Variants in RIMBP2 observed in about 807,000 individuals in gnomAD.
RIMBP2 encodes the protein RIMS binding protein 2.
A neutral mutation model predicts 118.6 loss-of-function variants in RIMBP2; 48 were observed. The observed-to-expected ratio is 0.40, with a 90% CI of 0.32 to 0.51. The LOEUF is 0.51. RIMBP2 is among the 20% of genes least tolerant of loss of function. The pLI is 0.41. For missense variants in RIMBP2, 1,551 were observed against 1,768.3 expected, an observed-to-expected ratio of 0.88 and a Z score of 2.20; for synonymous variants, 762 against 742.9, an observed-to-expected ratio of 1.03 and a Z score of -0.42.
intron 22 of RIMBP2, 80 bp from the exon 23 acceptor site, chr12:130,397,629 G>A (rs949521032): frequency 1.3e-5 from 5 of 397,310 alleles, no homozygotes; most frequent in South Asian, 1.4e-4. Flanking sequence ...TACTGTCCCC[G>A]TTTCCCACCA....
At chr12:130,481,621 G>C (rs2082017574) in intron 4 of RIMBP2, among the ~76,000 whole-genome samples, 1 of 152,138 alleles carries the variant, frequency 6.6e-6, no homozygotes, top group Non-Finnish European at 1.5e-5. Context: ...GGAGAAAATG[G>C]AGTTCCCCAA....
chr12:130,580,028 C>CAAAAAAAAAAAA (rs55653381), intron 2 of RIMBP2, among the ~76,000 whole-genome samples: 8 of 116,442 alleles, frequency 6.9e-5, no homozygotes, highest in Non-Finnish European at 1.2e-4. Flanking sequence ...ACCAAAAATA[C>CAAAAAAAAAAAA]AAAAAAAAAA....
intron 17 of RIMBP2, among the ~76,000 whole-genome samples, chr12:130,418,112 G>GA (rs1332194021): frequency 6.6e-6 from 1 of 152,176 alleles, no homozygotes; most frequent in East Asian, 1.9e-4. Context: ...TCTTTCACCA[G>GA]AAAAAATAAA....
At chr12:130,595,299 C>A (rs1474218623) in intron 2 of RIMBP2, among the ~76,000 whole-genome samples, 2 of 152,194 alleles carry the variant, frequency 1.3e-5, no homozygotes, top group East Asian at 3.9e-4. Flanking sequence ...TGGCTCACGC[C>A]TGTAATCCCA....
intron 2 of RIMBP2, among the ~76,000 whole-genome samples, chr12:130,587,731 A>T (rs1156893536): frequency 6.9e-5 from 9 of 130,020 alleles, no homozygotes; most frequent in Non-Finnish European, 1.1e-4. Context: ...CTAATGCTAG[A>T]TGACGAGTTA....
At position 130,628,451 on chromosome 12, in the gene RIMBP2, TC is replaced by T. The variant is rs1409442348; in HGVS notation, c.-347del. The stretch of plus-strand genomic sequence containing the variant: ...CAGGCTTCAGGTGTGGCGGGTCATT[TC>T]CAAGCTGCGGGAAGAAGTAGACACA... On this transcript the variant is annotated 5_prime_UTR_variant, in exon 2 of 23. Coordinates refer to ENST00000690449, the MANE Select transcript of RIMBP2 (RefSeq NM_001393629.1). The T allele has an allele frequency of 7.2e-5, 11 of 152,260 alleles. No individual in the cohort carries two copies. The East Asian group carries it at 2.1e-3, about 29-fold the overall frequency. The allele number at this position is 152,260 out of a possible 1,614,324, so 9.4% of individuals were successfully genotyped here. A position where few individuals can be genotyped will look rare whatever the true frequency, so the allele number is the denominator to read the frequency against.
At chr12:130,509,580 C>T (rs886746234) in intron 3 of RIMBP2, among the ~76,000 whole-genome samples, 1 of 152,218 alleles carries the variant, frequency 6.6e-6, no homozygotes, top group African/African-American at 2.4e-5. Context: ...GGTGGTGGAA[C>T]TGGGGTAACC....
In RIMBP2 at chr12:130,608,288, T is replaced by C. The variant is rs570331599; in HGVS notation, c.-217+20034A>G. 2.6e-5 allele frequency among the ~76,000 whole-genome samples: 4 copies of C among 152,328 alleles called. No individual in the cohort carries two copies. In the East Asian group the frequency reaches 7.7e-4, roughly 29 times the overall value. ...CCAAGAGACTCTTAGGACTAGAGGATGCTGGGCAGGAAGGCCAACGACACC... is the reference window on the plus strand; with the variant it reads ...CCAAGAGACTCTTAGGACTAGAGGACGCTGGGCAGGAAGGCCAACGACACC... On this transcript the variant is annotated intron_variant, in intron 2 of 22. Transcript: ENST00000690449.
intron 2 of RIMBP2, among the ~76,000 whole-genome samples, chr12:130,527,143 C>T (rs764370520): frequency 5.1e-4 from 78 of 152,266 alleles, no homozygotes; most frequent in Non-Finnish European, 3.1e-4. Context: ...TGAAGCCTAT[C>T]CTAACACTGA....
At chr12:130,638,028 A>G (rs1393882936) in intron 1 of RIMBP2, among the ~76,000 whole-genome samples, 1 of 152,186 alleles carries the variant, frequency 6.6e-6, no homozygotes, top group Non-Finnish European at 1.5e-5. Flanking sequence ...CTGCTTTGGT[A>G]TAGTGACTTC....
rs1328831484 is a variant in RIMBP2 at position 130,434,750 on chromosome 12, G to A, written c.2237C>T (p.Ser746Phe). 2 of 1,613,246 alleles carry A rather than the reference G, an allele frequency of 1.2e-6. No homozygotes were observed. Among genetic ancestry groups the A allele is most frequent in the East Asian group, 4.5e-5 (2 of 44,840 alleles). Residue 746 changes from serine (S) to phenylalanine (F), a missense_variant, in exon 14 of 23, where the codon TCT (serine) becomes TTT (phenylalanine). Around this residue, in one of 5 missense-constraint regions of RIMBP2, gnomAD observed 1,038 missense variants for 1,125.1 expected, o/e 0.92. Coordinates refer to ENST00000690449, the MANE Select transcript of RIMBP2 (RefSeq NM_001393629.1). The surrounding 1 kb of genome is among the most constrained non-coding windows in gnomAD (Gnocchi z 5.7). ...GASVDDFLKG[S>F]ELGKQPHCCH... The stretch of plus-strand genomic sequence containing the variant: ...CGCTCTCACCTGCTTGCCAAGTTCA[G>A]AGCCTTTCAGGAAGTCGTCCACCGA...
At chr12:130,644,837 T>A (rs11061052) in intron 1 of RIMBP2, among the ~76,000 whole-genome samples, 1 of 152,102 alleles carries the variant, frequency 6.6e-6, no homozygotes, top group Admixed American at 6.5e-5. Flanking sequence ...CCAACGGCTC[T>A]GGCTGACTTC....
chr12:130,538,420 C>A lies in RIMBP2; in HGVS notation c.-216-20503G>T, dbSNP rs77174363. On this transcript the variant is annotated intron_variant, in intron 2 of 22. Coordinates refer to ENST00000690449, the MANE Select transcript of RIMBP2 (RefSeq NM_001393629.1). ...ACTCATTTCTGGGATCCCTCAGAAA[C>A]CTCAATTCAGTGAAGTGAGATGATT... Among the ~76,000 whole-genome samples, 1,282 of 152,128 alleles carry A rather than the reference C, an allele frequency of 8.4e-3. 25 individuals carry two copies. The highest frequency in any genetic ancestry group is 0.03 in the African/African-American group (1,232 of 41,490).
At chr12:130,457,138 C>A (rs1431395559) in intron 6 of RIMBP2, among the ~76,000 whole-genome samples, 1 of 152,168 alleles carries the variant, frequency 6.6e-6, no homozygotes, top group Non-Finnish European at 1.5e-5. Flanking sequence ...TGTGATGCGG[C>A]CCAGACTCAG....
intron 4 of RIMBP2, among the ~76,000 whole-genome samples, chr12:130,490,714 C>T (rs1407479280): frequency 3.9e-5 from 6 of 152,190 alleles, no homozygotes; most frequent in Admixed American, 6.5e-5. Context: ...AAAATAATCT[C>T]GTCTGCAGGG....
chr12:130,461,157 A>T (rs6486540), intron 6 of RIMBP2, among the ~76,000 whole-genome samples: 1 of 152,054 alleles, frequency 6.6e-6, no homozygotes, highest in African/African-American at 2.4e-5. Flanking sequence ...CCCTAGCCAC[A>T]CTGCCCTGCT....
At chr12:130,638,144 T>G (rs542681988) in intron 1 of RIMBP2, among the ~76,000 whole-genome samples, 1 of 152,276 alleles carries the variant, frequency 6.6e-6, no homozygotes, top group East Asian at 1.9e-4. Context: ...CTTCTTGATT[T>G]CTCCAGGGTC....
chr12:130,693,563 T>G (rs180998198), intron 1 of RIMBP2, among the ~76,000 whole-genome samples: 1 of 152,016 alleles, frequency 6.6e-6, no homozygotes, highest in South Asian at 2.1e-4. Context: ...AGAAAGTAAA[T>G]GTCCACTGGG....
At chr12:130,571,718 C>G (rs974903904) in intron 2 of RIMBP2, among the ~76,000 whole-genome samples, 1 of 152,196 alleles carries the variant, frequency 6.6e-6, no homozygotes, top group Admixed American at 6.5e-5. Flanking sequence ...CGTCCCACCC[C>G]ACTTGGGACA....
Sources: allele counts gnomAD v4.1 joint callset (sites outside exome capture counted in the v4.1 genomes callset), GRCh38; gene constraint gnomAD v4.1.1; regional missense constraint gnomAD v4.1.1; non-coding constraint Gnocchi (gnomAD v3.1); transcripts MANE v1.5; gene names NCBI Gene and HGNC (gene_info 2026-07-23, HGNC 2026-07-21).